ARPP21: variants seen among roughly 807,000 people sequenced by gnomAD.
The protein encoded by ARPP21 is cAMP-regulated phosphoprotein 21.
A neutral mutation model predicts 113.2 loss-of-function variants in ARPP21; 69 were observed. The ratio of observed to expected loss-of-function variants is 0.61; its 90% CI spans 0.50 to 0.74. ARPP21 has a LOEUF of 0.74. ARPP21 is among the 30% of genes least tolerant of loss of function. ARPP21 has a pLI of 0.00. For missense variants in ARPP21, 1,070 were observed against 1,037.4 expected, an observed-to-expected ratio of 1.03 and a Z score of -0.43; for synonymous variants, 368 against 375.5, an observed-to-expected ratio of 0.98 and a Z score of 0.23.
chr3:35,675,741 C>T (rs757232378), intron 1 of ARPP21, among the ~76,000 whole-genome samples: 12 of 151,568 alleles, frequency 7.9e-5, no homozygotes, highest in African/African-American at 1.7e-4. Context: ...TTATTCTTGC[C>T]GTGTCCACAT....
Position 35,681,897 on chromosome 3 carries a change from A to T in ARPP21, c.129+17A>T. ...GAACTGCAGGTGAGTGAGCATGAAG[A>T]GACCCTGACTCTCATACAACTGTGT... On this transcript the variant is annotated intron_variant, in intron 3 of 20. Coordinates refer to ENST00000684406, the MANE Select transcript of ARPP21 (RefSeq NM_001385562.1). 1 of 1,610,930 alleles carries T rather than the reference A, an allele frequency of 6.2e-7. No homozygotes were observed. The highest frequency in any genetic ancestry group is 1.3e-5 in the African/African-American group (1 of 74,772).
At chr3:35,668,027 A>AAGAAGAAGAAGAAGAAGAAGG (rs1553646509) in intron 1 of ARPP21, among the ~76,000 whole-genome samples, 24 of 132,448 alleles carry the variant, frequency 1.8e-4, no homozygotes, top group African/African-American at 3.9e-4. Context: ...GAAGAAGAAG[A>AAGAAGAAGAAGAAGAAGAAGG]AGAAGGAGAA....
chr3:35,650,351 C>G (rs1331037951), intron 1 of ARPP21: 1 of 151,980 alleles, frequency 6.6e-6, no homozygotes, highest in Non-Finnish European at 1.5e-5. Flanking sequence ...GTGTCTCAGG[C>G]TAAATACTTG....
At chr3:35,704,677 T>C (rs1012792225) in intron 9 of ARPP21, among the ~76,000 whole-genome samples, 1 of 152,056 alleles carries the variant, frequency 6.6e-6, no homozygotes, top group Non-Finnish European at 1.5e-5. Flanking sequence ...GGATTTAAAA[T>C]TTGATATATT....
intron 13 of ARPP21, among the ~76,000 whole-genome samples, chr3:35,717,979 A>G (rs763277870): frequency 3.3e-5 from 5 of 152,148 alleles, no homozygotes; most frequent in Non-Finnish European, 7.4e-5. Flanking sequence ...TATATCTGAC[A>G]TCCATTGTAG....
chr3:35,731,449 A>G (rs771881840), intron 15 of ARPP21, among the ~76,000 whole-genome samples: 7 of 152,180 alleles, frequency 4.6e-5, no homozygotes, highest in Non-Finnish European at 7.4e-5. Flanking sequence ...CTGATCTGAC[A>G]AATGCTAAAT....
Position 35,672,823 on chromosome 3 carries a change from A to G in ARPP21, c.-212-6964A>G, listed in dbSNP as rs141824398. The stretch of plus-strand genomic sequence containing the variant: ...CAACTTAACACTAAAGATATAGGAC[A>G]GGCAGACAGCTTGCTGTCTTCCCTG... On this transcript the variant is annotated intron_variant, in intron 1 of 20. Coordinates refer to ENST00000684406, the MANE Select transcript of ARPP21 (RefSeq NM_001385562.1). 8.3e-3 allele frequency among the ~76,000 whole-genome samples: 1,262 copies of G among 152,176 alleles called. 12 individuals are homozygous for G. The highest frequency in any genetic ancestry group is 0.011 in the Non-Finnish European group (753 of 67,986).
At chr3:35,747,147 T>C (rs780582919) in intron 19 of ARPP21, among the ~76,000 whole-genome samples, 5 of 151,998 alleles carry the variant, frequency 3.3e-5, no homozygotes, top group Non-Finnish European at 5.9e-5. Context: ...GGTCAGGAGC[T>C]CGAGACCAGC....
intron 19 of ARPP21, among the ~76,000 whole-genome samples, chr3:35,786,555 G>T (rs55635917): frequency 0.12 from 18,138 of 151,684 alleles, 1,220 homozygotes; most frequent in Non-Finnish European, 0.15. Flanking sequence ...TCTACTTAGG[G>T]TTTTAGATTA....
intron 19 of ARPP21, among the ~76,000 whole-genome samples, chr3:35,779,372 T>G (rs2096468086): frequency 6.6e-6 from 1 of 152,120 alleles, no homozygotes. Flanking sequence ...TCTGCCACAT[T>G]TGGAGGAAGC....
chr3:35,735,311 C>T (rs1171846950), intron 15 of ARPP21, among the ~76,000 whole-genome samples: 2 of 151,930 alleles, frequency 1.3e-5, no homozygotes, highest in East Asian at 1.9e-4. Flanking sequence ...CAGAGTTTTG[C>T]CCGGTTGCCC....
intron 1 of ARPP21, among the ~76,000 whole-genome samples, chr3:35,646,207 A>G (rs368188424): frequency 6.6e-6 from 1 of 152,108 alleles, no homozygotes; most frequent in Non-Finnish European, 1.5e-5. Flanking sequence ...TTATTTGCCC[A>G]TAAATTCAAT....
intron 14 of ARPP21, among the ~76,000 whole-genome samples, chr3:35,722,521 C>G (rs1410363649): frequency 6.6e-6 from 1 of 152,186 alleles, no homozygotes; most frequent in Non-Finnish European, 1.5e-5. Flanking sequence ...AGTTATTATT[C>G]ATTTTTATTA....
At chr3:35,722,232 A>G (rs2093147703) in intron 14 of ARPP21, among the ~76,000 whole-genome samples, 1 of 152,188 alleles carries the variant, frequency 6.6e-6, no homozygotes, top group African/African-American at 2.4e-5. Context: ...CTACCTAGCA[A>G]AAGTTTGCTG....
chr3:35,656,836 A>G (rs908726904), intron 1 of ARPP21, among the ~76,000 whole-genome samples: 2 of 152,118 alleles, frequency 1.3e-5, no homozygotes, highest in Admixed American at 6.6e-5. Context: ...TAAAAAAGGC[A>G]GAATTACACT....
chr3:35,720,592 T>C (rs886896779), intron 13 of ARPP21, among the ~76,000 whole-genome samples: 1 of 152,232 alleles, frequency 6.6e-6, no homozygotes, highest in South Asian at 2.1e-4. Flanking sequence ...CCTTTACTTA[T>C]TTATAATCCA....
chr3:35,726,614 A>G (rs191653829), intron 14 of ARPP21, among the ~76,000 whole-genome samples: 128 of 152,216 alleles, frequency 8.4e-4, no homozygotes, highest in Non-Finnish European at 1.7e-3. Context: ...AGGGAAGGGT[A>G]TAATGTTGTA....
chr3:35,786,553 G>C (rs2096638370), intron 19 of ARPP21, among the ~76,000 whole-genome samples: 1 of 151,730 alleles, frequency 6.6e-6, no homozygotes, highest in Non-Finnish European at 1.5e-5. Context: ...GTTCTACTTA[G>C]GGTTTTAGAT....
intron 19 of ARPP21, among the ~76,000 whole-genome samples, chr3:35,760,050 A>G (rs939754406): frequency 6.6e-6 from 1 of 152,116 alleles, no homozygotes; most frequent in Non-Finnish European, 1.5e-5. Flanking sequence ...TAGAAGGCAT[A>G]TATTAAGCAT....
Sources: gnomAD v4.1 joint callset for allele counts (sites outside exome capture counted in the v4.1 genomes callset) on GRCh38, gnomAD v4.1.1 for gene constraint, MANE v1.5 for transcripts, NCBI Gene and HGNC (gene_info 2026-07-23, HGNC 2026-07-21) for gene names.